Variants in CSMD1 observed in about 807,000 individuals in gnomAD.
CSMD1 encodes the protein CUB and sushi domain-containing protein 1.
CSMD1 carries 213 observed loss-of-function variants against 417.5 expected under a neutral mutation model. That is an observed-to-expected ratio of 0.51 (90% CI 0.46 to 0.57). CSMD1 has a LOEUF of 0.57. CSMD1 is among the 20% of genes least tolerant of loss of function. The pLI is 0.00. For missense variants in CSMD1, 6,923 were observed against 4,529.7 expected (o/e 1.53, Z -15.17); for synonymous variants, 2,862 against 1,736.8 (o/e 1.65, Z -16.11).
At chr8:4,546,568 T>C (rs1342284575) in intron 2 of CSMD1, among the ~76,000 whole-genome samples, 1 of 152,180 alleles carries the variant, frequency 6.6e-6, no homozygotes. Flanking sequence ...TCAGCACTTC[T>C]GGTTCTCAGG....
At chr8:3,937,822 A>C (rs1810611434) in intron 5 of CSMD1, among the ~76,000 whole-genome samples, 2 of 152,166 alleles carry the variant, frequency 1.3e-5, no homozygotes, top group South Asian at 4.1e-4. Context: ...CTTACACAGG[A>C]AATTTTATGA....
At chr8:4,164,026 T>C (rs1251211056) in intron 3 of CSMD1, among the ~76,000 whole-genome samples, 1 of 152,204 alleles carries the variant, frequency 6.6e-6, no homozygotes, top group African/African-American at 2.4e-5. Context: ...CAGAGTAAGC[T>C]GTTGGTACAT....
intron 1 of CSMD1, among the ~76,000 whole-genome samples, chr8:4,751,462 C>A (rs1226872079): frequency 6.6e-6 from 1 of 152,026 alleles, no homozygotes; most frequent in Admixed American, 6.6e-5. Context: ...AGTTCATTAC[C>A]CTAAATAGCA....
chr8:4,398,686 C>A (rs911322296), intron 3 of CSMD1, among the ~76,000 whole-genome samples: 2 of 152,250 alleles, frequency 1.3e-5, no homozygotes, highest in Non-Finnish European at 1.5e-5. Context: ...TGAGCCATCA[C>A]ACCCGGCCAC....
chr8:3,721,541 C>G (rs567155624), intron 6 of CSMD1, among the ~76,000 whole-genome samples: 2 of 152,254 alleles, frequency 1.3e-5, no homozygotes, highest in South Asian at 4.1e-4. Flanking sequence ...GAAACATATT[C>G]TTAGGATTTT....
Position 3,520,064 on chromosome 8 carries a change from C to T in CSMD1, c.1345-26338G>A, listed in dbSNP as rs1414809238. 5.1e-5 allele frequency among the ~76,000 whole-genome samples: 7 copies of T among 136,330 alleles called. No homozygotes were observed. The South Asian group carries it at 1.4e-3, about 27-fold the overall frequency. 89.4% of individuals were successfully genotyped at this position (136,330 alleles called of 152,430 possible). A position where few individuals can be genotyped will look rare whatever the true frequency, so the allele number is the denominator to read the frequency against. On this transcript the variant is annotated intron_variant, in intron 10 of 69. Transcript: ENST00000635120. ...TACACGTATAGTTGTGAAACTTGCT[C>T]CACAGTAATAATAGTAAAATTCTAT... is the stretch of plus-strand genomic sequence containing the variant.
At chr8:4,314,468 G>C (rs987105838) in intron 3 of CSMD1, among the ~76,000 whole-genome samples, 1 of 152,116 alleles carries the variant, frequency 6.6e-6, no homozygotes, top group Admixed American at 6.6e-5. Context: ...AATTTCAATT[G>C]CATCCGTTCC....
chr8:4,980,840 G>A lies in CSMD1; in HGVS notation c.85+13492C>T, dbSNP rs1464574477. Reference sequence around the variant, plus strand: ...GATCACTTGATCCCAGGAAGTTGAGGCTGCAGTGAGCGAAGATCGCACCAC... The same window carrying A: ...GATCACTTGATCCCAGGAAGTTGAGACTGCAGTGAGCGAAGATCGCACCAC... On this transcript the variant is annotated intron_variant, in intron 1 of 69. Transcript: ENST00000635120. 2.6e-5 allele frequency among the ~76,000 whole-genome samples: 4 copies of A among 151,916 alleles called. No individual in the cohort carries two copies. The East Asian group carries it at 5.8e-4, about 22-fold the overall frequency.
At chr8:4,319,350 T>C (rs1799126210) in intron 3 of CSMD1, among the ~76,000 whole-genome samples, 1 of 152,144 alleles carries the variant, frequency 6.6e-6, no homozygotes, top group South Asian at 2.1e-4. Flanking sequence ...TTTTCCTCCT[T>C]TCCTTTTGCT....
rs193029364 is a variant in CSMD1 at position 4,126,453 on chromosome 8, T to A, written c.416-94354A>T. 2.6e-5 allele frequency among the ~76,000 whole-genome samples: 4 copies of A among 152,184 alleles called. No individual in the cohort carries two copies. The East Asian group carries it at 5.8e-4, about 22-fold the overall frequency. On this transcript the variant is annotated intron_variant, in intron 3 of 69. Transcript: ENST00000635120. Reference sequence around the variant, plus strand: ...GAAGACACAAACCAACATAGTAACATAGATTTCACTTGCTTAACCTGTGCA... The same window carrying A: ...GAAGACACAAACCAACATAGTAACAAAGATTTCACTTGCTTAACCTGTGCA...
intron 10 of CSMD1, among the ~76,000 whole-genome samples, chr8:3,525,786 T>G (rs147514211): frequency 1.3e-5 from 2 of 152,198 alleles, no homozygotes; most frequent in Non-Finnish European, 2.9e-5. Flanking sequence ...GAATTTCTAA[T>G]AGAAACTTGG....
At chr8:4,499,415 G>C (rs1056191771) in intron 2 of CSMD1, among the ~76,000 whole-genome samples, 4 of 152,152 alleles carry the variant, frequency 2.6e-5, no homozygotes, top group African/African-American at 7.2e-5. Context: ...ACTTTATTGA[G>C]GCATGCACAC....
At chr8:4,628,895 A>G (rs1217543583) in intron 2 of CSMD1, among the ~76,000 whole-genome samples, 1 of 152,196 alleles carries the variant, frequency 6.6e-6, no homozygotes, top group Non-Finnish European at 1.5e-5. Flanking sequence ...CACGCCTTTT[A>G]TTAAAAGAGA....
chr8:4,586,962 G>C (rs17070691), intron 2 of CSMD1, among the ~76,000 whole-genome samples: 20,291 of 152,104 alleles, frequency 0.13, 1,491 homozygotes, highest in African/African-American at 0.2. Context: ...GTGTAAGAGA[G>C]GTTACATCTA....
At chr8:4,189,719 CTAAT>C (rs1798901189) in intron 3 of CSMD1, among the ~76,000 whole-genome samples, 1 of 151,956 alleles carries the variant, frequency 6.6e-6, no homozygotes, top group African/African-American at 2.4e-5. Context: ...CATTTGTATT[CTAAT>C]TAATACTTTT....
At chr8:3,987,147 G>A (rs1358966249) in intron 5 of CSMD1, among the ~76,000 whole-genome samples, 1 of 152,106 alleles carries the variant, frequency 6.6e-6, no homozygotes, top group Non-Finnish European at 1.5e-5. Context: ...GCGTCTATCC[G>A]AGTTCTATGG....
chr8:4,171,571 C>A (rs754970228), intron 3 of CSMD1, among the ~76,000 whole-genome samples: 1 of 151,624 alleles, frequency 6.6e-6, no homozygotes, highest in African/African-American at 2.4e-5. Context: ...TGGAGTGATA[C>A]GTTGCCAAAT....
At chr8:4,738,266 C>G (rs750809015) in intron 1 of CSMD1, among the ~76,000 whole-genome samples, 2 of 152,186 alleles carry the variant, frequency 1.3e-5, no homozygotes, top group African/African-American at 2.4e-5. Context: ...TTTCACGCTG[C>G]TATAAACAAC....
intron 12 of CSMD1, among the ~76,000 whole-genome samples, chr8:3,450,420 C>T (rs1815623568): frequency 6.6e-6 from 1 of 151,976 alleles, no homozygotes; most frequent in African/African-American, 2.4e-5. Flanking sequence ...ATTAACTCGT[C>T]ATTTAGCATT....
Sources: gnomAD v4.1 joint callset for allele counts (sites outside exome capture counted in the v4.1 genomes callset) on GRCh38, gnomAD v4.1.1 for gene constraint, MANE v1.5 for transcripts, NCBI Gene and HGNC (gene_info 2026-07-23, HGNC 2026-07-21) for gene names.